RAP1GAP2: variants seen among roughly 807,000 people sequenced by gnomAD.
The protein encoded by RAP1GAP2 is RAP1 GTPase activating protein 2, also known as rap1 GTPase-activating protein 2.
A neutral mutation model predicts 95.0 loss-of-function variants in RAP1GAP2; 27 were observed. The ratio of observed to expected loss-of-function variants is 0.28; its 90% CI spans 0.21 to 0.39. RAP1GAP2 has a LOEUF of 0.39. Ranked by LOEUF, RAP1GAP2 falls within the 10% of genes least tolerant of loss-of-function variation. RAP1GAP2 has a pLI of 1.00. For missense variants in RAP1GAP2, 771 were observed against 970.0 expected (o/e 0.79, Z 2.72); for synonymous variants, 373 against 380.9 (o/e 0.98, Z 0.24).
At chr17:2,790,934 G>A (rs760532714) in intron 1 of RAP1GAP2, among the ~76,000 whole-genome samples, 2 of 152,248 alleles carry the variant, frequency 1.3e-5, no homozygotes, top group South Asian at 2.1e-4. Context: ...TGCGAGCGCC[G>A]TGGCTCACGC....
In RAP1GAP2 at chr17:2,855,162, C is replaced by T. The variant is rs1202154723; in HGVS notation, c.81-50122C>T. Among the ~76,000 whole-genome samples, 1 of 152,146 alleles carries T rather than the reference C, an allele frequency of 6.6e-6. No homozygotes were observed. Among genetic ancestry groups the T allele is most frequent in the Non-Finnish European group, 1.5e-5 (1 of 68,026 alleles). On this transcript the variant is annotated intron_variant, in intron 2 of 24. Transcript: ENST00000254695. The surrounding 1 kb of genome is among the most constrained non-coding windows in gnomAD (Gnocchi z 4.3). The stretch of plus-strand genomic sequence containing the variant: ...ATTGCCCTTGTGGTGGGTTGTCCCC[C>T]ATTCCTCTCGTCCCCCCTTCCTATA...
chr17:2,875,823 G>A (rs549679251), intron 2 of RAP1GAP2, among the ~76,000 whole-genome samples: 15 of 152,002 alleles, frequency 9.9e-5, no homozygotes, highest in Middle Eastern at 3.4e-3. Flanking sequence ...TTGGACATCC[G>A]ATAGTTCTTC....
chr17:2,785,899 CTTTTTT>C (rs386385450), intron 1 of RAP1GAP2, among the ~76,000 whole-genome samples: 3 of 119,926 alleles, frequency 2.5e-5, no homozygotes, highest in African/African-American at 6.4e-5. Flanking sequence ...AAAAGTATGA[CTTTTTT>C]TTTTTTTTTT....
intron 3 of RAP1GAP2, among the ~76,000 whole-genome samples, chr17:2,941,123 C>T (rs903223657): frequency 3.3e-5 from 5 of 152,166 alleles, no homozygotes; most frequent in Admixed American, 1.3e-4. Context: ...CCGCGTGGGC[C>T]GGGAACGGTG....
At chr17:2,774,696 C>G (rs138291532), upstream of RAP1GAP2, among the ~76,000 whole-genome samples, 2,476 of 151,816 alleles carry the variant, frequency 0.016, 51 homozygotes, top group African/African-American at 0.056. Context: ...GTCTCGAATT[C>G]CTGACCTCAG....
chr17:2,813,789 G>A (rs1411488864), intron 2 of RAP1GAP2, among the ~76,000 whole-genome samples: 1 of 151,954 alleles, frequency 6.6e-6, no homozygotes, highest in African/African-American at 2.4e-5. Context: ...GTGAAACCCT[G>A]TCTCTACTAA....
chr17:2,845,601 G>A (rs1313608549), intron 2 of RAP1GAP2, among the ~76,000 whole-genome samples: 2 of 152,052 alleles, frequency 1.3e-5, no homozygotes, highest in Non-Finnish European at 2.9e-5. Flanking sequence ...GGTGGCTCAC[G>A]CCTGTAATCC....
At chr17:2,820,445 A>T (rs1028980446) in intron 2 of RAP1GAP2, among the ~76,000 whole-genome samples, 2 of 151,952 alleles carry the variant, frequency 1.3e-5, no homozygotes, top group Admixed American at 1.3e-4. Flanking sequence ...ACATGGCAAA[A>T]CCCCGTCTCT....
chr17:3,019,032 A>G (rs1719063753), intron 18 of RAP1GAP2, among the ~76,000 whole-genome samples: 1 of 152,230 alleles, frequency 6.6e-6, no homozygotes, highest in Non-Finnish European at 1.5e-5. Context: ...ACTGCACTCC[A>G]GCCTGGGTGA....
Position 2,852,874 on chromosome 17 carries a change from GCGACCTTC to G in RAP1GAP2, c.80+52343_80+52350del, listed in dbSNP as rs934379880. Reference sequence around the variant, plus strand: ...CACAGCCCTTTCCCCAGGAGCCGGCGCGACCTTCCGACCTTCCGACCTTCCGCCCTTCC... The same window carrying G: ...CACAGCCCTTTCCCCAGGAGCCGGCGCGACCTTCCGACCTTCCGCCCTTCC... On this transcript the variant is annotated intron_variant, in intron 2 of 24. Coordinates refer to ENST00000254695, the MANE Select transcript of RAP1GAP2 (RefSeq NM_015085.5). Among the ~76,000 whole-genome samples the G allele has an allele frequency of 4.3e-4, 66 of 152,216 alleles. 1 individual carries two copies. The highest frequency in any genetic ancestry group is 1.4e-3 in the East Asian group (7 of 5,156).
chr17:2,859,262 CACT>C (rs897227127), intron 2 of RAP1GAP2, among the ~76,000 whole-genome samples: 47 of 151,784 alleles, frequency 3.1e-4, no homozygotes, highest in African/African-American at 1.1e-3. Context: ...AGGCGCCTGT[CACT>C]ACGGCCGGCT....
At chr17:2,820,676 C>T (rs2070249912) in intron 2 of RAP1GAP2, among the ~76,000 whole-genome samples, 1 of 150,828 alleles carries the variant, frequency 6.6e-6, no homozygotes, top group African/African-American at 2.4e-5. Context: ...TCTATGATTC[C>T]CATTCCCCAC....
intron 2 of RAP1GAP2, among the ~76,000 whole-genome samples, chr17:2,810,306 G>T (rs575926189): frequency 5.7e-4 from 86 of 152,098 alleles, no homozygotes; most frequent in African/African-American, 2.0e-3. Context: ...GAGACCCCCA[G>T]ATCTCTAGAG....
At chr17:2,764,170 G>T (rs958546835) in intron 1 of RAP1GAP2, among the ~76,000 whole-genome samples, 2 of 152,162 alleles carry the variant, frequency 1.3e-5, no homozygotes. Flanking sequence ...AGTGGCTCAC[G>T]CCTGTAATCC....
intron 2 of RAP1GAP2, among the ~76,000 whole-genome samples, chr17:2,824,120 CAAAAAAAA>C (rs71150900): frequency 5.7e-5 from 6 of 105,430 alleles, no homozygotes; most frequent in African/African-American, 1.1e-4. Context: ...AAGACTGTCT[CAAAAAAAA>C]AAAAAAAAGA....
At chr17:2,909,188 G>A (rs1473031104) in intron 3 of RAP1GAP2, among the ~76,000 whole-genome samples, 5 of 152,154 alleles carry the variant, frequency 3.3e-5, no homozygotes, top group Non-Finnish European at 7.3e-5. Flanking sequence ...TCGAGGTGGT[G>A]CTGGGGTCTC....
intron 11 of RAP1GAP2, among the ~76,000 whole-genome samples, chr17:2,989,287 T>G (rs540020570): frequency 5.3e-5 from 8 of 152,208 alleles, no homozygotes; most frequent in Non-Finnish European, 1.2e-4. Flanking sequence ...TGGACATCTT[T>G]TCATGTGCTT....
intron 17 of RAP1GAP2, among the ~76,000 whole-genome samples, chr17:3,017,710 CA>C (rs2046815662): frequency 6.6e-6 from 1 of 152,138 alleles, no homozygotes; most frequent in African/African-American, 2.4e-5. Context: ...CAGTGTCGCA[CA>C]GGCTTGGCGA....
intron 2 of RAP1GAP2, among the ~76,000 whole-genome samples, chr17:2,832,296 T>C (rs12601318): frequency 0.22 from 32,568 of 149,678 alleles, 3,800 homozygotes; most frequent in African/African-American, 0.29. Flanking sequence ...CGGTGGCTCA[T>C]GCCTGTAATC....
Sources: gnomAD v4.1 joint callset for allele counts (sites outside exome capture counted in the v4.1 genomes callset) on GRCh38, gnomAD v4.1.1 for gene constraint, Gnocchi (gnomAD v3.1) non-coding constraint, MANE v1.5 for transcripts, NCBI Gene and HGNC (gene_info 2026-07-23, HGNC 2026-07-21) for gene names.